The following TRPM1 variants were observed in gnomAD, a reference collection of about 807,000 sequenced individuals.
The protein encoded by TRPM1 is transient receptor potential cation channel subfamily M member 1.
In TRPM1, 113 loss-of-function variants were observed where a neutral mutation model predicts 149.4. That is an observed-to-expected ratio of 0.76 (90% CI 0.65 to 0.88). The LOEUF is 0.88. TRPM1 is among the 40% of genes least tolerant of loss of function. TRPM1 has a pLI of 0.00. For missense variants in TRPM1, 1,976 were observed against 2,038.7 expected, an observed-to-expected ratio of 0.97 and a Z score of 0.59; for synonymous variants, 741 against 759.5, an observed-to-expected ratio of 0.98 and a Z score of 0.40.
chr15:31,139,059 A>G (rs1166147824), intron 1 of TRPM1, among the ~76,000 whole-genome samples: 1 of 152,152 alleles, frequency 6.6e-6, no homozygotes, highest in Admixed American at 6.6e-5. Context: ...CACTTCTTAC[A>G]TAACCAGTTT....
At chr15:31,010,844 A>G (rs144823345) in intron 27 of TRPM1, among the ~76,000 whole-genome samples, 67 of 152,260 alleles carry the variant, frequency 4.4e-4, no homozygotes, top group African/African-American at 1.6e-3. Flanking sequence ...GTCTAGTTCT[A>G]ATATTAGTGA....
At chr15:31,086,627 C>T (rs903083394) in intron 1 of TRPM1, among the ~76,000 whole-genome samples, 2 of 152,146 alleles carry the variant, frequency 1.3e-5, no homozygotes, top group African/African-American at 4.8e-5. Flanking sequence ...CTGAGTGGAG[C>T]CAGCACTCCT....
chr15:31,002,779 C>G lies in TRPM1; in HGVS notation c.3921G>C (p.Glu1307Asp). 1 of 1,614,132 alleles carries G rather than the reference C, an allele frequency of 6.2e-7. No individual in the cohort carries two copies. The highest frequency in any genetic ancestry group is 1.1e-5 in the South Asian group (1 of 91,084). ...CTGGTGACGTGGAGAGAGATGTATC[C>G]TCAAATAATAACTCTTCTCCGTTAA... Reference protein sequence around the residue: ...YHFNGEELLFEDTSLSTSPGT... With the variant: ...YHFNGEELLFDDTSLSTSPGT... Residue 1307 changes from glutamate to aspartate, a missense_variant, in exon 28 of 28, where the codon GAG becomes GAC. By Grantham distance (45) the Glu-to-Asp change is conservative. Coordinates refer to ENST00000256552, the MANE Select transcript of TRPM1 (RefSeq NM_001252024.2).
rs113153992 is a variant in TRPM1 at position 31,006,247 on chromosome 15, C to T, written c.3630-3177G>A. 7.1e-3 allele frequency among the ~76,000 whole-genome samples: 1,081 copies of T among 152,112 alleles called. 13 individuals are homozygous for T. Among genetic ancestry groups the T allele is most frequent in the African/African-American group, 0.024 (1,009 of 41,504 alleles). The stretch of plus-strand genomic sequence containing the variant: ...GACTAGAGTACAGTGGCGCAATTTC[C>T]GCTCACTGCAACCTCTGTCTCCCAG... On this transcript the variant is annotated intron_variant, in intron 27 of 27. Transcript: ENST00000256552.
chr15:31,116,602 G>T (rs970536957), intron 1 of TRPM1, among the ~76,000 whole-genome samples: 1 of 143,716 alleles, frequency 7.0e-6, no homozygotes, highest in Admixed American at 7.1e-5. Context: ...AACTCCATCT[G>T]AAATAAATAA....
rs1022779277 is a variant in TRPM1, at chr15:31,067,883, G to C, written c.489C>G (p.Ser163Arg). The C allele has an allele frequency of 1.2e-6, 2 of 1,612,684 alleles. No individual in the cohort carries two copies. Among genetic ancestry groups the C allele is most frequent in the South Asian group, 2.2e-5 (2 of 91,024 alleles). Residue 163 changes from serine (S) to arginine (R), a missense_variant, in exon 5 of 28, where the codon AGC (serine) becomes AGG (arginine). Physicochemically the swap from Ser to Arg is moderately radical, Grantham distance 110. Coordinates refer to ENST00000256552, the MANE Select transcript of TRPM1 (RefSeq NM_001252024.2). Reference protein sequence around the residue: ...TGAWIFTGGVSTGVISHVGDA... With the variant: ...TGAWIFTGGVRTGVISHVGDA... The stretch of plus-strand genomic sequence containing the variant: ...AGGGAAAGGGCCTGCTCTTACCTGT[G>C]CTGACACCCCCGGTGAAGATCCAGG...
chr15:31,059,703 G>A (rs1267565280), intron 11 of TRPM1, among the ~76,000 whole-genome samples: 1 of 152,116 alleles, frequency 6.6e-6, no homozygotes, highest in East Asian at 1.9e-4. Context: ...CACCACATCT[G>A]GCCAAGAAAT....
intron 11 of TRPM1, among the ~76,000 whole-genome samples, chr15:31,054,125 T>C (rs2140945516): frequency 6.6e-6 from 1 of 152,248 alleles, no homozygotes; most frequent in African/African-American, 2.4e-5. Flanking sequence ...GAGTGTCCAT[T>C]TTGCAAGATA....
chr15:31,086,980 A>G (rs998747827), intron 1 of TRPM1, among the ~76,000 whole-genome samples: 6 of 152,260 alleles, frequency 3.9e-5, no homozygotes, highest in African/African-American at 1.4e-4. Flanking sequence ...GATACTCAAC[A>G]TCACTCATCT....
rs112996661 is a variant in TRPM1, at chr15:31,012,786, T to C, written c.3630-9716A>G. On this transcript the variant is annotated intron_variant, in intron 27 of 27. Coordinates refer to ENST00000256552, the MANE Select transcript of TRPM1 (RefSeq NM_001252024.2). Reference sequence around the variant, plus strand: ...TGGTGTTCTACAGGTTTCAGACTGTTCAATTTCTCTTCATTTCCTCCCCCT... The same window carrying C: ...TGGTGTTCTACAGGTTTCAGACTGTCCAATTTCTCTTCATTTCCTCCCCCT... Among the ~76,000 whole-genome samples, 524 of 152,232 alleles carry C rather than the reference T, an allele frequency of 3.4e-3. 5 individuals are homozygous for C. Among genetic ancestry groups the C allele is most frequent in the African/African-American group, 0.012 (491 of 41,542 alleles).
intron 1 of TRPM1, among the ~76,000 whole-genome samples, chr15:31,150,195 G>C (rs1850020340): frequency 2.0e-5 from 3 of 152,142 alleles, no homozygotes; most frequent in Admixed American, 6.5e-5. Flanking sequence ...GGTGACTCTG[G>C]GTTAAAAGGA....
chr15:31,007,943 T>C (rs1474776536), intron 27 of TRPM1, among the ~76,000 whole-genome samples: 1 of 152,252 alleles, frequency 6.6e-6, no homozygotes, highest in Non-Finnish European at 1.5e-5. Flanking sequence ...GTTGGAGCTC[T>C]GTGAGAATGG....
At chr15:31,069,333 TC>T in intron 4 of TRPM1, 4 of 823,514 alleles carry the variant, frequency 4.9e-6, no homozygotes, top group Non-Finnish European at 5.9e-6. Context: ...ATAAACTGCT[TC>T]TTTGTGTCTG....
intron 3 of TRPM1, among the ~76,000 whole-genome samples, chr15:31,072,000 TATATATATATATATATATAGAGAGAG>T (rs1300926402): frequency 1.4e-3 from 87 of 64,082 alleles, no homozygotes; most frequent in East Asian, 7.2e-3. Context: ...TATATATATA[TATATATATATATATATATAGAGAGAG>T]AGAGAGAGAG....
At chr15:31,045,747 A>G (rs1014417298) in intron 16 of TRPM1, among the ~76,000 whole-genome samples, 1 of 152,352 alleles carries the variant, frequency 6.6e-6, no homozygotes, top group South Asian at 2.1e-4. Context: ...AAAGTAAGGC[A>G]TATGTTTTAC....
chr15:31,064,646 A>G (rs920316796), intron 7 of TRPM1, among the ~76,000 whole-genome samples: 10 of 152,218 alleles, frequency 6.6e-5, no homozygotes, highest in African/African-American at 2.4e-4. Flanking sequence ...TCAGCTCTGA[A>G]GGGCTTCAGA....
chr15:31,096,710 A>G (rs1355921053), intron 1 of TRPM1, among the ~76,000 whole-genome samples: 1 of 152,232 alleles, frequency 6.6e-6, no homozygotes, highest in African/African-American at 2.4e-5. Context: ...TCCCACAGGT[A>G]GTACCCTCTC....
chr15:31,089,525 A>G (rs941423792), intron 1 of TRPM1, among the ~76,000 whole-genome samples: 4 of 152,244 alleles, frequency 2.6e-5, no homozygotes, highest in Admixed American at 6.5e-5. Flanking sequence ...GCAATAGCAC[A>G]TTCCCGGGCA....
chr15:31,093,040 C>T (rs1443399678), intron 1 of TRPM1, among the ~76,000 whole-genome samples: 1 of 152,128 alleles, frequency 6.6e-6, no homozygotes, highest in African/African-American at 2.4e-5. Flanking sequence ...GCGGGTGGAT[C>T]ACCTGAGGTC....
Sources: allele counts gnomAD v4.1 joint callset (sites outside exome capture counted in the v4.1 genomes callset), GRCh38; gene constraint gnomAD v4.1.1; transcripts MANE v1.5; gene names NCBI Gene and HGNC (gene_info 2026-07-23, HGNC 2026-07-21).